The following CLDN16 variants were observed in gnomAD, a reference collection of about 807,000 sequenced individuals.
CLDN16 encodes the protein claudin 16.
Under a neutral mutation model 24.6 loss-of-function variants are expected in CLDN16, and 13 were observed. That is an observed-to-expected ratio of 0.53 (90% CI 0.34 to 0.84). CLDN16 has a LOEUF of 0.84. Among genes scored for constraint, CLDN16 ranks in the 40% least tolerant of loss-of-function variants. CLDN16 has a pLI of 0.01. For synonymous variants in CLDN16, 116 were observed against 106.7 expected, an observed-to-expected ratio of 1.09 and a Z score of -0.54; for missense variants, 298 against 292.7, an observed-to-expected ratio of 1.02 and a Z score of -0.13.
rs139272004 is a variant in CLDN16 at position 190,342,278 on chromosome 3, A to G, written n.121+19617A>G. 3.7e-3 allele frequency among the ~76,000 whole-genome samples: 559 copies of G among 151,242 alleles called. 3 individuals carry two copies. The highest frequency in any genetic ancestry group is 0.013 in the African/African-American group (539 of 40,532). On this transcript the variant is annotated intron_variant and non_coding_transcript_variant, in intron 1 of 4. Coordinates refer to the CLDN16 transcript ENST00000468220. ...GGCAATTTACAAAAGAAAGAGGTTT[A>G]TTGGACTTACAGTTCCACATGGCTG...
upstream of CLDN16, among the ~76,000 whole-genome samples, chr3:190,383,652 G>C (rs555763616): frequency 9.9e-5 from 15 of 152,234 alleles, no homozygotes; most frequent in South Asian, 3.1e-3. Flanking sequence ...TTATTCAAGG[G>C]TCAGGGGAAG....
At chr3:190,327,923 C>T (rs572145548) in intron 1 of CLDN16, among the ~76,000 whole-genome samples, 1 of 152,058 alleles carries the variant, frequency 6.6e-6, no homozygotes, top group South Asian at 2.1e-4. Flanking sequence ...ACAAGTAGAT[C>T]TTGTTTTTTT....
intron 3 of CLDN16, among the ~76,000 whole-genome samples, chr3:190,381,733 A>T (rs551780464): frequency 1.3e-5 from 2 of 152,156 alleles, no homozygotes; most frequent in South Asian, 4.1e-4. Context: ...TTAAGAACAC[A>T]CCAGTTAAGC....
intron 1 of CLDN16, among the ~76,000 whole-genome samples, chr3:190,368,710 C>A (rs995115803): frequency 6.6e-6 from 1 of 151,868 alleles, no homozygotes; most frequent in Non-Finnish European, 1.5e-5. Context: ...ATGAGGAGGC[C>A]AGAGTCATTC....
In CLDN16 at chr3:190,361,976, A is replaced by C. The variant is rs1470841099; in HGVS notation, n.122-8917A>C. ...ATAAGGGTGGGGGCTACCAGGGATT[A>C]GTGCCCTATACAAATGGCACACCTG... On this transcript the variant is annotated intron_variant and non_coding_transcript_variant, in intron 1 of 4. Coordinates refer to the CLDN16 transcript ENST00000468220. 2.1e-5 allele frequency among the ~76,000 whole-genome samples: 3 copies of C among 142,490 alleles called. No homozygotes were observed. In the East Asian group the frequency reaches 6.5e-4, roughly 31 times the overall value. The allele number at this position is 142,490 out of a possible 152,430, so 93.5% of individuals were successfully genotyped here. A position where few individuals can be genotyped will look rare whatever the true frequency, so the allele number is the denominator to read the frequency against.
intron 3 of CLDN16, among the ~76,000 whole-genome samples, chr3:190,377,304 T>C (rs949320513): frequency 3.9e-5 from 6 of 151,998 alleles, no homozygotes; most frequent in African/African-American, 1.2e-4. Context: ...AAGCAAATGC[T>C]GCTGCTAATG....
intron 1 of CLDN16, among the ~76,000 whole-genome samples, chr3:190,344,067 T>A (rs962452244): frequency 3.3e-5 from 5 of 152,080 alleles, no homozygotes; most frequent in African/African-American, 1.2e-4. Context: ...TATCATAACA[T>A]CATGTTGTAT....
At chr3:190,343,197 G>C (rs1419996834) in intron 1 of CLDN16, among the ~76,000 whole-genome samples, 1 of 152,040 alleles carries the variant, frequency 6.6e-6, no homozygotes, top group Non-Finnish European at 1.5e-5. Context: ...GCCAACAAGT[G>C]TATGAAAAAG....
At chr3:190,311,341 T>A in the CLDN16 span, among the ~76,000 whole-genome samples, 2 of 152,096 alleles carry the variant, frequency 1.3e-5, no homozygotes, top group Non-Finnish European at 2.9e-5. Flanking sequence ...GATATAAGAG[T>A]AAATTATTGG....
At chr3:190,375,259 C>G (rs1325293053) in intron 3 of CLDN16, among the ~76,000 whole-genome samples, 1 of 151,864 alleles carries the variant, frequency 6.6e-6, no homozygotes, top group Non-Finnish European at 1.5e-5. Context: ...AGCATTTTTG[C>G]AAATGTTAAC....
the CLDN16 span, among the ~76,000 whole-genome samples, chr3:190,292,542 C>A: frequency 6.6e-6 from 1 of 152,162 alleles, no homozygotes; most frequent in African/African-American, 2.4e-5. Context: ...ATGTTTGGCT[C>A]CTTATTACTT....
intron 1 of CLDN16, among the ~76,000 whole-genome samples, chr3:190,341,860 C>A (rs1450485392): frequency 2.0e-5 from 3 of 152,142 alleles, no homozygotes; most frequent in Middle Eastern, 3.2e-3. Flanking sequence ...TACCCCAAAT[C>A]ATCTCTCTCA....
At chr3:190,352,536 A>G (rs1717690881) in intron 1 of CLDN16, among the ~76,000 whole-genome samples, 1 of 152,168 alleles carries the variant, frequency 6.6e-6, no homozygotes, top group Non-Finnish European at 1.5e-5. Flanking sequence ...TGAATTTTGT[A>G]TCTCAGGCAG....
chr3:190,356,900 C>T (rs9290930), intron 1 of CLDN16, among the ~76,000 whole-genome samples: 60,087 of 151,598 alleles, frequency 0.4, 12,820 homozygotes, highest in Middle Eastern at 0.54. Flanking sequence ...GCAAAATTAT[C>T]CCATGTGAAC....
At chr3:190,303,374 C>G in the CLDN16 span, among the ~76,000 whole-genome samples, 2 of 152,090 alleles carry the variant, frequency 1.3e-5, no homozygotes, top group East Asian at 3.9e-4. Flanking sequence ...AAATGATTTC[C>G]AAAAAGAAGT....
chr3:190,326,236 T>C (rs926811236), intron 1 of CLDN16, among the ~76,000 whole-genome samples: 3 of 152,218 alleles, frequency 2.0e-5, no homozygotes, highest in African/African-American at 7.2e-5. Flanking sequence ...ACAGTACTTA[T>C]TATTTCAAGC....
chr3:190,368,028 GCT>G (rs1718060659), intron 1 of CLDN16, among the ~76,000 whole-genome samples: 1 of 151,866 alleles, frequency 6.6e-6, no homozygotes, highest in Non-Finnish European at 1.5e-5. Flanking sequence ...ACTGCTCCTG[GCT>G]GCAGAGTGGC....
chr3:190,374,269 T>TTGTGTGTG (rs3220823), intron 2 of CLDN16, among the ~76,000 whole-genome samples: 7,577 of 139,234 alleles, frequency 0.054, 243 homozygotes, highest in South Asian at 0.065. Flanking sequence ...CTGAAAAACA[T>TTGTGTGTG]TGTGTGTGTG....
chr3:190,340,011 TA>T (rs1717392765), intron 1 of CLDN16, among the ~76,000 whole-genome samples: 1 of 152,162 alleles, frequency 6.6e-6, no homozygotes, highest in African/African-American at 2.4e-5. Context: ...TGGTTTAATA[TA>T]AACAAATCAG....
Sources: allele counts gnomAD v4.1 joint callset (sites outside exome capture counted in the v4.1 genomes callset), GRCh38; gene constraint gnomAD v4.1.1; transcripts MANE v1.5; gene names NCBI Gene and HGNC (gene_info 2026-07-23, HGNC 2026-07-21).